The following GRM8 variants were observed in gnomAD, a reference collection of about 807,000 sequenced individuals.
GRM8 encodes glutamate metabotropic receptor 8, also known as metabotropic glutamate receptor 8.
In GRM8, 47 loss-of-function variants were observed where a neutral mutation model predicts 87.2. The observed-to-expected ratio is 0.54, with a 90% CI of 0.43 to 0.69. The LOEUF is 0.69. Among genes scored for constraint, GRM8 ranks in the 30% least tolerant of loss-of-function variants. The probability of loss-of-function intolerance (pLI) is 0.00; values close to 1 mark genes in which losing one functional copy is unlikely to be tolerated. For missense variants in GRM8, 1,019 were observed against 1,139.2 expected (o/e 0.89, Z 1.52); for synonymous variants, 396 against 404.5 (o/e 0.98, Z 0.25).
chr7:126,445,535 T>G (rs1262566542), intron 10 of GRM8: 2 of 152,452 alleles, frequency 1.3e-5, no homozygotes, highest in East Asian at 3.9e-4. Context: ...TCATGAGGCT[T>G]TTAAAGAAGA....
intron 7 of GRM8, among the ~76,000 whole-genome samples, chr7:126,722,438 T>C (rs1167193023): frequency 1.3e-5 from 2 of 152,184 alleles, no homozygotes; most frequent in Non-Finnish European, 2.9e-5. Flanking sequence ...TAGATGAATG[T>C]CATAGCCTTT....
chr7:127,070,120 G>A (rs1821528252), intron 3 of GRM8, among the ~76,000 whole-genome samples: 1 of 151,812 alleles, frequency 6.6e-6, no homozygotes, highest in Non-Finnish European at 1.5e-5. Context: ...CATCTAACTT[G>A]TCTTTAAAAA....
intron 7 of GRM8, among the ~76,000 whole-genome samples, chr7:126,673,872 G>C (rs932004372): frequency 6.6e-6 from 1 of 152,118 alleles, no homozygotes; most frequent in Non-Finnish European, 1.5e-5. Context: ...AGACACTCTG[G>C]AGAAGTATTA....
intron 3 of GRM8, among the ~76,000 whole-genome samples, chr7:126,917,267 T>C (rs1464979811): frequency 1.3e-5 from 2 of 152,132 alleles, no homozygotes; most frequent in South Asian, 4.2e-4. Flanking sequence ...GAAGCCACCA[T>C]GCCCAGCATA....
At chr7:127,233,551 T>C (rs1457212815) in intron 2 of GRM8, among the ~76,000 whole-genome samples, 1 of 152,138 alleles carries the variant, frequency 6.6e-6, no homozygotes, top group Non-Finnish European at 1.5e-5. Context: ...TCTCAATCCA[T>C]GTGAGAGGAA....
At chr7:126,968,200 A>T (rs1810067202) in intron 3 of GRM8, among the ~76,000 whole-genome samples, 1 of 152,202 alleles carries the variant, frequency 6.6e-6, no homozygotes, top group South Asian at 2.1e-4. Context: ...CTATTAAACA[A>T]CTCAGAAGTA....
At chr7:126,807,907 T>C (rs1792934916) in intron 6 of GRM8, among the ~76,000 whole-genome samples, 1 of 152,174 alleles carries the variant, frequency 6.6e-6, no homozygotes. Flanking sequence ...TAAATGTATG[T>C]TGGTTGGAAC....
At chr7:127,222,996 C>A (rs144746489) in intron 2 of GRM8, among the ~76,000 whole-genome samples, 1 of 152,174 alleles carries the variant, frequency 6.6e-6, no homozygotes, top group Non-Finnish European at 1.5e-5. Context: ...GTTCTCTGAC[C>A]TTGAGAGAGG....
In GRM8 at chr7:127,120,021, C is replaced by CA. The variant is rs1048658251; in HGVS notation, c.511-13310dup. On this transcript the variant is annotated intron_variant, in intron 2 of 10. Transcript: ENST00000339582. ...TCTCTTAAGTGTCCAACAGGTATCT[C>CA]AAAATGACATGCCCAAAACTTGTCA... Among the ~76,000 whole-genome samples the CA allele has an allele frequency of 1.9e-4, 29 of 152,288 alleles. 1 individual carries two copies. The highest frequency in any genetic ancestry group is 5.5e-4 in the African/African-American group (23 of 41,560).
In GRM8 at chr7:126,446,515, T is replaced by G. The variant is rs1802039127; in HGVS notation, c.2431-143A>C. ...CACTTATTGAAATTGTCCTTAATTA[T>G]AGTCAACCATTCCTGTGTCCTAACC... On this transcript the variant is annotated intron_variant, in intron 9 of 10. Transcript: ENST00000339582. 3 of 604,598 alleles carry G rather than the reference T, an allele frequency of 5.0e-6. No homozygotes were observed. In the South Asian group the frequency reaches 6.4e-5, roughly 13 times the overall value. The allele number at this position is 604,598 out of a possible 1,614,324, so 37.5% of individuals were successfully genotyped here. A position where few individuals can be genotyped will look rare whatever the true frequency, so the allele number is the denominator to read the frequency against.
intron 8 of GRM8, among the ~76,000 whole-genome samples, chr7:126,584,146 T>C (rs935050699): frequency 5.9e-5 from 9 of 152,328 alleles, no homozygotes; most frequent in African/African-American, 2.2e-4. Flanking sequence ...TTAACAATTA[T>C]TATTTCAAAA....
chr7:126,622,802 T>G (rs1800308682), intron 7 of GRM8, among the ~76,000 whole-genome samples: 1 of 152,200 alleles, frequency 6.6e-6, no homozygotes, highest in Admixed American at 6.5e-5. Flanking sequence ...CCCTTCATGG[T>G]AAAATTGTGT....
chr7:127,193,378 T>C (rs2116499943), intron 2 of GRM8, among the ~76,000 whole-genome samples: 1 of 152,338 alleles, frequency 6.6e-6, no homozygotes, highest in Non-Finnish European at 1.5e-5. Context: ...AGCATATGTT[T>C]CAGGCTGTGG....
At chr7:126,464,443 T>C (rs1479340394) in intron 9 of GRM8, among the ~76,000 whole-genome samples, 1 of 151,752 alleles carries the variant, frequency 6.6e-6, no homozygotes, top group Non-Finnish European at 1.5e-5. Flanking sequence ...TGTCTTTTGA[T>C]TGAAGATTTT....
At chr7:126,538,658 AG>A (rs1816149111) in intron 8 of GRM8, among the ~76,000 whole-genome samples, 1 of 152,060 alleles carries the variant, frequency 6.6e-6, no homozygotes, top group Non-Finnish European at 1.5e-5. Flanking sequence ...TTTGTTGACT[AG>A]TTTGACACCT....
Position 126,533,693 on chromosome 7 carries a change from G to A in GRM8, c.1689C>T (p.Asn563=). 6.2e-7 allele frequency: 1 copy of A among 1,614,090 alleles called. No homozygotes were observed. The highest frequency in any genetic ancestry group is 8.5e-7 in the Non-Finnish European group (1 of 1,179,980). ...CELCPLDQRP[N]MNRTGCQLIP... ...TAAGCTGGCAGCCTGTGCGGTTCATGTTGGGTCTCTGATCCAGAGGGCAAA... is the reference window on the plus strand; with the variant it reads ...TAAGCTGGCAGCCTGTGCGGTTCATATTGGGTCTCTGATCCAGAGGGCAAA... The change falls in exon 9 of 11, where the codon AAC becomes AAT. Residue 563 remains asparagine (N), a synonymous_variant. Coordinates refer to ENST00000339582, the MANE Select transcript of GRM8 (RefSeq NM_000845.3).
chr7:126,628,595 A>G (rs531608724), intron 7 of GRM8, among the ~76,000 whole-genome samples: 15 of 152,306 alleles, frequency 9.8e-5, no homozygotes, highest in Non-Finnish European at 1.9e-4. Context: ...TATACAAAAT[A>G]CATTTTATAA....
chr7:126,682,456 G>A (rs953981741), intron 7 of GRM8, among the ~76,000 whole-genome samples: 2 of 152,232 alleles, frequency 1.3e-5, no homozygotes, highest in African/African-American at 4.8e-5. Flanking sequence ...GCTGCTTAGA[G>A]AGGTTAAGTT....
chr7:127,242,401 C>T (rs3808116), intron 2 of GRM8, among the ~76,000 whole-genome samples: 43,666 of 151,570 alleles, frequency 0.29, 7,083 homozygotes, highest in Middle Eastern at 0.41. Flanking sequence ...ATGAGCCTAA[C>T]AAAGAGGTTA....
Sources: gnomAD v4.1 joint callset for allele counts (sites outside exome capture counted in the v4.1 genomes callset) on GRCh38, gnomAD v4.1.1 for gene constraint, MANE v1.5 for transcripts, NCBI Gene and HGNC (gene_info 2026-07-23, HGNC 2026-07-21) for gene names.